Variants in TMEM132C observed in about 807,000 individuals in gnomAD.
TMEM132C encodes the protein transmembrane protein 132C.
In TMEM132C, 29 loss-of-function variants were observed where a neutral mutation model predicts 61.4. That is an observed-to-expected ratio of 0.47 (90% confidence interval 0.35 to 0.64). TMEM132C has a LOEUF of 0.64. TMEM132C is among the 30% of genes least tolerant of loss of function. The pLI is 0.00. For synonymous variants in TMEM132C, 656 were observed against 633.1 expected (o/e 1.04, Z -0.54); for missense variants, 1,408 against 1,476.9 (o/e 0.95, Z 0.76).
At chr12:128,366,211 A>G (rs1873864603) in intron 1 of TMEM132C, among the ~76,000 whole-genome samples, 1 of 152,114 alleles carries the variant, frequency 6.6e-6, no homozygotes, top group Non-Finnish European at 1.5e-5. Flanking sequence ...CCTCCCAGCG[A>G]CAGACTCCAG....
intron 2 of TMEM132C, among the ~76,000 whole-genome samples, chr12:128,486,613 T>C (rs1871500183): frequency 6.6e-6 from 1 of 152,158 alleles, no homozygotes; most frequent in African/African-American, 2.4e-5. Flanking sequence ...CAACATGCCT[T>C]TTCTCTTTAT....
At chr12:128,545,238 C>T (rs1250874647) in intron 3 of TMEM132C, among the ~76,000 whole-genome samples, 1 of 152,192 alleles carries the variant, frequency 6.6e-6, no homozygotes, top group Non-Finnish European at 1.5e-5. Flanking sequence ...TTTTCTGTTC[C>T]TCCATTAATT....
At chr12:128,616,890 A>C (rs1259841010) in intron 4 of TMEM132C, among the ~76,000 whole-genome samples, 1 of 152,228 alleles carries the variant, frequency 6.6e-6, no homozygotes. Context: ...TACTGTTAGT[A>C]GTGTACACTG....
intron 3 of TMEM132C, among the ~76,000 whole-genome samples, chr12:128,544,652 A>T (rs995748675): frequency 4.6e-5 from 7 of 152,216 alleles, no homozygotes; most frequent in Non-Finnish European, 1.0e-4. Context: ...AGCGGGGGGA[A>T]TCATGTGCCA....
chr12:128,347,393 G>GTCTCTCTCTCTCTCTCTCTC (rs1330764900), intron 1 of TMEM132C, among the ~76,000 whole-genome samples: 1 of 116,708 alleles, frequency 8.6e-6, no homozygotes, highest in Non-Finnish European at 1.6e-5. Context: ...GCATGCATAT[G>GTCTCTCTCTCTCTCTCTCTC]TATGTCTCTC....
intron 3 of TMEM132C, among the ~76,000 whole-genome samples, chr12:128,553,399 A>G (rs927832023): frequency 6.6e-6 from 1 of 152,080 alleles, no homozygotes; most frequent in African/African-American, 2.4e-5. Context: ...CCCATATTCC[A>G]TATCTTATGT....
At chr12:128,593,058 T>C (rs984461215) in intron 3 of TMEM132C, among the ~76,000 whole-genome samples, 1 of 151,352 alleles carries the variant, frequency 6.6e-6, no homozygotes, top group Non-Finnish European at 1.5e-5. Context: ...CTCTGTCTTC[T>C]CTTTCTTTCC....
chr12:128,270,080 C>A (rs1028034587), intron 1 of TMEM132C, among the ~76,000 whole-genome samples: 1 of 152,122 alleles, frequency 6.6e-6, no homozygotes, highest in African/African-American at 2.4e-5. Flanking sequence ...GGCAAAACAT[C>A]CTTGAATTAG....
At chr12:128,410,611 G>A (rs537595423) in intron 1 of TMEM132C, among the ~76,000 whole-genome samples, 1 of 152,044 alleles carries the variant, frequency 6.6e-6, no homozygotes, top group South Asian at 2.1e-4. Flanking sequence ...TCACCATGTT[G>A]GCCAGGATGG....
intron 1 of TMEM132C, among the ~76,000 whole-genome samples, chr12:128,274,296 A>G (rs1209411162): frequency 6.6e-6 from 1 of 152,130 alleles, no homozygotes; most frequent in Non-Finnish European, 1.5e-5. Flanking sequence ...CAAAGACTTA[A>G]TATAGAAGAC....
At chr12:128,547,047 C>A (rs543100140) in intron 3 of TMEM132C, among the ~76,000 whole-genome samples, 42 of 152,264 alleles carry the variant, frequency 2.8e-4, no homozygotes, top group Middle Eastern at 3.4e-3. Context: ...GGCGTTCCTT[C>A]CCATGGAGCT....
chr12:128,649,981 A>G (rs1954251801), intron 4 of TMEM132C, among the ~76,000 whole-genome samples: 1 of 152,224 alleles, frequency 6.6e-6, no homozygotes, highest in South Asian at 2.1e-4. Flanking sequence ...CTGCAGTGAC[A>G]GCCCAGAATT....
chr12:128,647,483 G>C (rs757424763), intron 4 of TMEM132C, among the ~76,000 whole-genome samples: 12 of 151,998 alleles, frequency 7.9e-5, no homozygotes, highest in East Asian at 3.9e-4. Context: ...TTGGATATGA[G>C]TGTGCTTACT....
intron 4 of TMEM132C, among the ~76,000 whole-genome samples, chr12:128,664,194 TCA>T (rs1239056838): frequency 1.0e-5 from 1 of 96,246 alleles, no homozygotes; most frequent in Non-Finnish European, 2.1e-5. Flanking sequence ...ACGCAGGCAC[TCA>T]CACAGGCACA....
At chr12:128,407,617 GGTCT>G (rs1297073157) in intron 1 of TMEM132C, among the ~76,000 whole-genome samples, 1 of 152,120 alleles carries the variant, frequency 6.6e-6, no homozygotes, top group African/African-American at 2.4e-5. Flanking sequence ...GCCTCCACAT[GGTCT>G]CTTCTCCAGG....
At chr12:128,602,639 C>T (rs77698391) in intron 3 of TMEM132C, among the ~76,000 whole-genome samples, 2 of 152,256 alleles carry the variant, frequency 1.3e-5, no homozygotes, top group East Asian at 1.9e-4. Context: ...GCCATCCTCA[C>T]TGCTCCACCC....
intron 1 of TMEM132C, among the ~76,000 whole-genome samples, chr12:128,322,023 A>T (rs1304687336): frequency 6.6e-6 from 1 of 151,970 alleles, no homozygotes; most frequent in Non-Finnish European, 1.5e-5. Context: ...AGACCCACAC[A>T]CTCTCCCAGA....
chr12:128,587,734 A>C (rs1448975706), intron 3 of TMEM132C, among the ~76,000 whole-genome samples: 1 of 152,164 alleles, frequency 6.6e-6, no homozygotes, highest in Non-Finnish European at 1.5e-5. Context: ...CACTTTATTG[A>C]TTTTATATTG....
chr12:128,344,929 T>C (rs1224195938), intron 1 of TMEM132C, among the ~76,000 whole-genome samples: 4 of 151,198 alleles, frequency 2.6e-5, no homozygotes, highest in South Asian at 2.1e-4. Flanking sequence ...GAGTTTCTTT[T>C]TTTTTTTTTT....
Sources: gnomAD v4.1 joint callset for allele counts (sites outside exome capture counted in the v4.1 genomes callset) on GRCh38, gnomAD v4.1.1 for gene constraint, MANE v1.5 for transcripts, NCBI Gene and HGNC (gene_info 2026-07-23, HGNC 2026-07-21) for gene names.